Variants in PTPRS observed in about 807,000 individuals in gnomAD.
PTPRS encodes the protein protein tyrosine phosphatase receptor type S.
In PTPRS, 63 loss-of-function variants were observed where a neutral mutation model predicts 215.3. The ratio of observed to expected loss-of-function variants is 0.29; its 90% CI spans 0.24 to 0.36. The LOEUF is 0.36. Ranked by LOEUF, PTPRS falls within the 10% of genes least tolerant of loss-of-function variation. The pLI is 1.00. For missense variants in PTPRS, 2,258 were observed against 2,825.8 expected, an observed-to-expected ratio of 0.80 and a Z score of 4.56; for synonymous variants, 1,404 against 1,191.4, an observed-to-expected ratio of 1.18 and a Z score of -3.68.
At position 5,222,954 on chromosome 19, in the gene PTPRS, G is replaced by A. The variant is rs756734585; in HGVS notation, c.2838C>T (p.Val946=). 4.1e-5 allele frequency: 64 copies of A among 1,548,700 alleles called. No individual in the cohort carries two copies. In the South Asian group the frequency reaches 7.5e-4, roughly 18 times the overall value. ...EAAGNASAGT[V]LLRWLPPVPA... ...GCACGGGTGGCAGCCAGCGGAGAAG[G>A]ACGGTCCCGGCCGAGGCGTTGCCGG... The change falls in exon 18 of 38, where the codon GTC becomes GTT. Residue 946 remains valine, a synonymous_variant. Coordinates refer to ENST00000262963, the MANE Select transcript of PTPRS (RefSeq NM_002850.4).
rs2049057257 is a variant in PTPRS at position 5,294,311 on chromosome 19, G to A, written c.-94-8077C>T. 1 of 152,466 alleles carries A rather than the reference G, an allele frequency of 6.6e-6. No homozygotes were observed. The highest frequency in any genetic ancestry group is 1.5e-5 in the Non-Finnish European group (1 of 68,254). The allele number at this position is 152,466 out of a possible 1,614,324, so 9.4% of individuals were successfully genotyped here. A position where few individuals can be genotyped will look rare whatever the true frequency, so the allele number is the denominator to read the frequency against. On this transcript the variant is annotated intron_variant, in intron 1 of 37. Transcript: ENST00000262963. This position sits in a 1 kb window ranked among gnomAD's most constrained non-coding sequence, Gnocchi z 5.1. ...ACGGAGCCGAGAAAGAGAGAGAAAC[G>A]GCTGCCCACGGCCGGGAAGAGCAGG...
chr19:5,292,318 A>T (rs371172851), intron 1 of PTPRS, among the ~76,000 whole-genome samples: 1 of 152,176 alleles, frequency 6.6e-6, no homozygotes, highest in Non-Finnish European at 1.5e-5. Flanking sequence ...GGAGACCGAG[A>T]CGGGGACAGC....
In PTPRS at chr19:5,215,551, G is replaced by A; in HGVS notation, c.4141C>T (p.His1381Tyr). The part of the protein sequence containing the change: ...PPIPIADMAE[H>Y]TERLKANDSL... ...TCGTTGGCCTTGAGCCGCTCCGTGT[G>A]CTCCGCCATGTCTGCGATGGGAATT... Residue 1381 changes from histidine to tyrosine, a missense_variant, in exon 27 of 38, where the codon CAC (histidine) becomes TAC (tyrosine). This residue lies in a region of PTPRS where 927 missense variants were observed against 1,125.9 expected (regional missense o/e 0.82). Transcript: ENST00000262963. The A allele has an allele frequency of 6.2e-7, 1 of 1,611,716 alleles. No individual in the cohort carries two copies. The highest frequency in any genetic ancestry group is 8.5e-7 in the Non-Finnish European group (1 of 1,178,450).
At chr19:5,213,894 A>G (rs1008332248) in intron 30 of PTPRS, among the ~76,000 whole-genome samples, 7 of 152,176 alleles carry the variant, frequency 4.6e-5, no homozygotes, top group African/African-American at 7.2e-5. Flanking sequence ...GAACCGCACT[A>G]TGGACAGCAG....
Position 5,245,906 on chromosome 19 carries a change from G to A in PTPRS, c.858C>T (p.Thr286=), listed in dbSNP as rs780427548. 6.2e-7 allele frequency: 1 copy of A among 1,614,000 alleles called. No homozygotes were observed. Among genetic ancestry groups the A allele is most frequent in the Non-Finnish European group, 8.5e-7 (1 of 1,179,982 alleles). The change falls in exon 10 of 38, where the codon ACC becomes ACT. Residue 286 remains threonine, a synonymous_variant. Coordinates refer to ENST00000262963, the MANE Select transcript of PTPRS (RefSeq NM_002850.4). ...VKWMQGAEDL[T]PEDDMPVGRN... is the part of the protein sequence containing the mutation. ...GACCCACGGGCATGTCATCCTCGGG[G>A]GTCAGGTCCTCGGCCCCCTGCATCC...
intron 17 of PTPRS, among the ~76,000 whole-genome samples, chr19:5,224,402 T>G (rs2042289696): frequency 6.6e-6 from 1 of 152,190 alleles, no homozygotes; most frequent in Non-Finnish European, 1.5e-5. Flanking sequence ...AACCATCTCC[T>G]GCCTTGTTGA....
chr19:5,212,534 G>A (rs1286159666), intron 30 of PTPRS, 43 bp from the exon 31 acceptor site: 1 of 1,543,282 alleles, frequency 6.5e-7, no homozygotes, highest in Admixed American at 1.9e-5. Context: ...GGCTCAACCT[G>A]CCACCCATGT....
At chr19:5,317,711 T>C (rs2049915342) in intron 1 of PTPRS, among the ~76,000 whole-genome samples, 1 of 151,984 alleles carries the variant, frequency 6.6e-6, no homozygotes. Context: ...ACATAGATCT[T>C]TAAAGTAAGA....
chr19:5,285,504 A>T (rs552386194), intron 2 of PTPRS, among the ~76,000 whole-genome samples: 2 of 152,146 alleles, frequency 1.3e-5, no homozygotes, highest in South Asian at 4.2e-4. Flanking sequence ...ACTCCTATAC[A>T]CCCACAAAAC....
In PTPRS at chr19:5,212,439, G is replaced by A. The variant is rs1196839847; in HGVS notation, c.4667C>T (p.Pro1556Leu). The part of the protein sequence containing the change: ...EVRQFQFTAW[P>L]DHGVPEYPTP... ...TGGGTATTCGGGCACGCCATGGTCCGGCCACGCCGTAAACTGGAACTGGCG... is the reference window on the plus strand; with the variant it reads ...TGGGTATTCGGGCACGCCATGGTCCAGCCACGCCGTAAACTGGAACTGGCG... The change falls in exon 31 of 38, where the codon CCG becomes CTG. Residue 1556 changes from proline (P) to leucine (L), a missense_variant. Physicochemically the swap from Pro to Leu is moderately conservative, Grantham distance 98 (BLOSUM62 -3). Transcript: ENST00000262963. 5.0e-6 allele frequency: 8 copies of A among 1,599,940 alleles called. No homozygotes were observed. Among genetic ancestry groups the A allele is most frequent in the South Asian group, 1.1e-5 (1 of 89,168 alleles).
chr19:5,241,952 C>T (rs771087780), intron 11 of PTPRS, among the ~76,000 whole-genome samples: 15 of 152,224 alleles, frequency 9.9e-5, no homozygotes, highest in Non-Finnish European at 2.2e-4. Context: ...TCACCTGCCT[C>T]AGCCTCTTGA....
intron 1 of PTPRS, among the ~76,000 whole-genome samples, chr19:5,307,310 A>G (rs1177472366): frequency 6.7e-6 from 1 of 150,058 alleles, no homozygotes; most frequent in East Asian, 1.9e-4. Context: ...CTCCATTTCA[A>G]AAATATAAAT....
chr19:5,314,449 T>G (rs1027308523), intron 1 of PTPRS, among the ~76,000 whole-genome samples: 28 of 152,228 alleles, frequency 1.8e-4, no homozygotes, highest in African/African-American at 6.5e-4. Flanking sequence ...GGTGGTCCAT[T>G]CTAACATCAG....
chr19:5,331,416 A>C (rs965562939), intron 1 of PTPRS, among the ~76,000 whole-genome samples: 3 of 152,152 alleles, frequency 2.0e-5, no homozygotes, highest in African/African-American at 4.8e-5. Context: ...TATGGACGTG[A>C]GCCACCATGC....
At chr19:5,269,130 CTG>C (rs2046684909) in intron 4 of PTPRS, among the ~76,000 whole-genome samples, 1 of 152,116 alleles carries the variant, frequency 6.6e-6, no homozygotes, top group South Asian at 2.1e-4. Flanking sequence ...CGAGGGAACC[CTG>C]TATTTCATTC....
chr19:5,317,834 G>A (rs916451331), intron 1 of PTPRS, among the ~76,000 whole-genome samples: 2 of 151,916 alleles, frequency 1.3e-5, no homozygotes, highest in African/African-American at 2.4e-5. Flanking sequence ...TCAGGAGTTC[G>A]GGACCACCCT....
intron 32 of PTPRS, 96 bp downstream of exon 32, chr19:5,211,869 C>T: frequency 6.4e-7 from 1 of 1,569,044 alleles, no homozygotes; most frequent in Admixed American, 1.7e-5. Flanking sequence ...CACCCTGCCA[C>T]CACCTTCTAG....
chr19:5,324,754 G>A (rs1247883612), intron 1 of PTPRS, among the ~76,000 whole-genome samples: 1 of 152,182 alleles, frequency 6.6e-6, no homozygotes, highest in Non-Finnish European at 1.5e-5. Flanking sequence ...TTCTCACAGG[G>A]CTGTGCAGAT....
At chr19:5,278,206 G>A (rs556209994) in intron 2 of PTPRS, 30 of 373,498 alleles carry the variant, frequency 8.0e-5, no homozygotes, top group Admixed American at 4.2e-4. Flanking sequence ...AAAAGGGAGT[G>A]GGGGGTGGGG....
Sources: gnomAD v4.1 joint callset for allele counts (sites outside exome capture counted in the v4.1 genomes callset) on GRCh38, gnomAD v4.1.1 for gene constraint, gnomAD v4.1.1 regional missense constraint, Gnocchi (gnomAD v3.1) non-coding constraint, MANE v1.5 for transcripts, NCBI Gene and HGNC (gene_info 2026-07-23, HGNC 2026-07-21) for gene names.